Variants in SLC37A3 observed in about 807,000 individuals in gnomAD.
SLC37A3 encodes solute carrier family 37 member 3.
SLC37A3 carries 51 observed loss-of-function variants against 67.1 expected under a neutral mutation model. That is an observed-to-expected ratio of 0.76 (90% CI 0.61 to 0.96). The LOEUF (loss-of-function observed/expected upper bound fraction) is 0.96, where lower values mean the gene tolerates loss of function less well. SLC37A3 is among the 40% of genes least tolerant of loss of function. SLC37A3 has a pLI of 0.00. For missense variants in SLC37A3, 508 were observed against 603.0 expected (o/e 0.84, Z 1.65); for synonymous variants, 214 against 231.4 (o/e 0.92, Z 0.68).
intron 3 of SLC37A3, among the ~76,000 whole-genome samples, chr7:140,375,667 C>T (rs185800663): frequency 6.6e-6 from 1 of 152,080 alleles, no homozygotes; most frequent in East Asian, 1.9e-4. Context: ...ACGAAAGAAT[C>T]AAAGAAATGT....
Position 140,333,970 on chromosome 7 carries a change from T to C in SLC37A3, c.*1442A>G, listed in dbSNP as rs2116983521. On this transcript the variant is annotated 3_prime_UTR_variant, in exon 15 of 15. Coordinates refer to ENST00000326232, the MANE Select transcript of SLC37A3 (RefSeq NM_207113.3). Reference sequence around the variant, plus strand: ...CAAAATTGCACATTCTCCTCCTAGTTTGCTTGCATAATTTAAAATATGTAT... The same window carrying C: ...CAAAATTGCACATTCTCCTCCTAGTCTGCTTGCATAATTTAAAATATGTAT... 1 of 152,692 alleles carries C rather than the reference T, an allele frequency of 6.5e-6. No homozygotes were observed. The highest frequency in any genetic ancestry group is 1.9e-4 in the East Asian group (1 of 5,180). The allele number at this position is 152,692 out of a possible 1,614,324, so 9.5% of individuals were successfully genotyped here. A position where few individuals can be genotyped will look rare whatever the true frequency, so the allele number is the denominator to read the frequency against.
chr7:140,397,247 G>A (rs1256743858), intron 1 of SLC37A3, among the ~76,000 whole-genome samples: 2 of 147,906 alleles, frequency 1.4e-5, no homozygotes, highest in Admixed American at 1.3e-4. Context: ...AGGCTGGAGT[G>A]CAGTGGTGTG....
At chr7:140,366,131 T>A (rs1298208890) in intron 4 of SLC37A3, among the ~76,000 whole-genome samples, 1 of 151,598 alleles carries the variant, frequency 6.6e-6, no homozygotes, top group East Asian at 1.9e-4. Context: ...TGTTGGCCAG[T>A]TTGGTCTTGA....
intron 13 of SLC37A3, among the ~76,000 whole-genome samples, chr7:140,340,777 A>C (rs1046975957): frequency 7.0e-4 from 107 of 152,236 alleles, no homozygotes; most frequent in Non-Finnish European, 1.5e-4. Context: ...AAAAAAATAC[A>C]AAAATTAGCT....
At chr7:140,340,944 TAG>T (rs1365105380) in intron 13 of SLC37A3, among the ~76,000 whole-genome samples, 1 of 150,040 alleles carries the variant, frequency 6.7e-6, no homozygotes, top group South Asian at 2.1e-4. Context: ...AAAAAAAAAA[TAG>T]AGAGAGAGAG....
intron 11 of SLC37A3, 112 bp from the exon 12 acceptor site, chr7:140,345,375 A>G (rs1796515242): frequency 2.7e-6 from 2 of 754,620 alleles, no homozygotes; most frequent in South Asian, 3.2e-5. Context: ...TCACTCCCAG[A>G]GACAACAAAG....
chr7:140,348,798 G>A, intron 9 of SLC37A3, 31 bp from the exon 10 acceptor site: 2 of 1,608,274 alleles, frequency 1.2e-6, no homozygotes, highest in Non-Finnish European at 1.7e-6. Flanking sequence ...TATCAGCGAG[G>A]GACAAATAGC....
At chr7:140,397,300 T>C (rs1169394988) in intron 1 of SLC37A3, among the ~76,000 whole-genome samples, 1 of 149,822 alleles carries the variant, frequency 6.7e-6, no homozygotes, top group Non-Finnish European at 1.5e-5. Context: ...TTCAAGCGAT[T>C]CTCCTGCCTC....
chr7:140,351,709 G>A (rs1371628196), intron 8 of SLC37A3: 3 of 568,892 alleles, frequency 5.3e-6, no homozygotes, highest in East Asian at 5.9e-5. Flanking sequence ...TACAGGTTAA[G>A]TATCTTTTTT....
At chr7:140,358,909 G>A in intron 5 of SLC37A3, 124 bp from the exon 6 acceptor site, 2 of 1,214,044 alleles carry the variant, frequency 1.6e-6, no homozygotes, top group South Asian at 2.8e-5. Context: ...GCCAGTGCCT[G>A]TAAGTCACGT....
chr7:140,339,590 A>G (rs891008293), intron 13 of SLC37A3, among the ~76,000 whole-genome samples: 3 of 151,872 alleles, frequency 2.0e-5, no homozygotes, highest in Admixed American at 1.3e-4. Flanking sequence ...GGAAATACCT[A>G]GGAGTGCTGG....
intron 10 of SLC37A3, 76 bp from the exon 11 acceptor site, chr7:140,346,046 C>A (rs1796545808): frequency 4.7e-6 from 5 of 1,062,676 alleles, no homozygotes; most frequent in South Asian, 1.3e-5. Flanking sequence ...CCCATTTGCC[C>A]TCTAGTCTCA....
chr7:140,336,867 G>C (rs1796152558), intron 14 of SLC37A3, among the ~76,000 whole-genome samples: 1 of 150,002 alleles, frequency 6.7e-6, no homozygotes, highest in Non-Finnish European at 1.5e-5. Context: ...GGGAGGCCGA[G>C]TCGGGTGGAT....
Position 140,382,503 on chromosome 7 carries a change from T to C in SLC37A3, c.24A>G (p.Gln8=), listed in dbSNP as rs149447610. Residue 8 remains glutamine, a synonymous_variant, in exon 2 of 15, where the codon CAA becomes CAG. Coordinates refer to ENST00000326232, the MANE Select transcript of SLC37A3 (RefSeq NM_207113.3). Reference sequence around the variant, plus strand: ...TGAACTGGGACAGCAGAGACCCTCTTTGAAAAACATTTGGCCAGGCCATGT... The same window carrying C: ...TGAACTGGGACAGCAGAGACCCTCTCTGAAAAACATTTGGCCAGGCCATGT... MAWPNVF[Q]RGSLLSQFSH... The C allele has an allele frequency of 2.8e-5, 45 of 1,614,150 alleles. No individual in the cohort carries two copies. The highest frequency in any genetic ancestry group is 1.5e-4 in the Admixed American group (9 of 60,012).
intron 3 of SLC37A3, among the ~76,000 whole-genome samples, chr7:140,371,485 T>C (rs191963373): frequency 1.3e-5 from 2 of 152,222 alleles, no homozygotes; most frequent in African/African-American, 4.8e-5. Flanking sequence ...AGCTACGTTC[T>C]TTCTAACTGC....
In SLC37A3 at chr7:140,335,365, C is replaced by A. The variant is rs749199198; in HGVS notation, c.*47G>T. On this transcript the variant is annotated 3_prime_UTR_variant, in exon 15 of 15. Coordinates refer to ENST00000326232, the MANE Select transcript of SLC37A3 (RefSeq NM_207113.3). ...AATTAGGGCAGACTCGAAGCCCCAG[C>A]GGTCCTGATGTGGCTGACATTGTTC... is the stretch of plus-strand genomic sequence containing the variant. 5 of 1,614,130 alleles carry A rather than the reference C, an allele frequency of 3.1e-6. No individual in the cohort carries two copies. Among genetic ancestry groups the A allele is most frequent in the Admixed American group, 3.3e-5 (2 of 59,998 alleles).
chr7:140,382,620 G>T, intron 1 of SLC37A3, 24 bp from the exon 2 acceptor site: 1 of 1,071,828 alleles, frequency 9.3e-7, no homozygotes, highest in Non-Finnish European at 1.4e-6. Context: ...ACACATTATG[G>T]ACATTATTAA....
At chr7:140,397,356 G>A (rs1226021131) in intron 1 of SLC37A3, among the ~76,000 whole-genome samples, 1 of 151,588 alleles carries the variant, frequency 6.6e-6, no homozygotes, top group African/African-American at 2.4e-5. Context: ...ACGACGCCCA[G>A]CTAATCTTTG....
Position 140,380,899 on chromosome 7 carries a change from T to TC in SLC37A3, c.90-510_90-509insG, listed in dbSNP as rs1554432988. On this transcript the variant is annotated intron_variant, in intron 2 of 14. Transcript: ENST00000326232. Reference sequence around the variant, plus strand: ...ACAATTTTAGAATTCTTCTTCTTCTTTTTTTTTTTTTTTTTGAGACAGAGT... The same window carrying TC: ...ACAATTTTAGAATTCTTCTTCTTCTTCTTTTTTTTTTTTTTTGAGACAGAGT... Among the ~76,000 whole-genome samples, 1,266 of 140,316 alleles carry TC rather than the reference T, an allele frequency of 9.0e-3. 19 individuals are homozygous for TC. Among genetic ancestry groups the TC allele is most frequent in the African/African-American group, 0.03 (1,172 of 38,932 alleles). The allele number at this position is 140,316 out of a possible 152,430, so 92.1% of individuals were successfully genotyped here.
Sources: allele counts gnomAD v4.1 joint callset (sites outside exome capture counted in the v4.1 genomes callset), GRCh38; gene constraint gnomAD v4.1.1; transcripts MANE v1.5; gene names NCBI Gene and HGNC (gene_info 2026-07-23, HGNC 2026-07-21).